Variants in RBFOX3 observed in about 807,000 individuals in gnomAD.
The protein encoded by RBFOX3 is RNA binding protein fox-1 homolog 3.
A neutral mutation model predicts 48.7 loss-of-function variants in RBFOX3; 17 were observed. The observed-to-expected ratio is 0.35, with a 90% CI of 0.24 to 0.52. The LOEUF (loss-of-function observed/expected upper bound fraction) is 0.52, where lower values mean the gene tolerates loss of function less well. RBFOX3 is among the 20% of genes least tolerant of loss of function. The pLI, the probability that RBFOX3 is intolerant of heterozygous loss-of-function variation, is 0.94. For missense variants in RBFOX3, 382 were observed against 497.5 expected, an observed-to-expected ratio of 0.77 and a Z score of 2.21; for synonymous variants, 212 against 209.5, an observed-to-expected ratio of 1.01 and a Z score of -0.10.
chr17:79,511,150 C>G (rs532427540), intron 1 of RBFOX3, among the ~76,000 whole-genome samples: 1 of 152,150 alleles, frequency 6.6e-6, no homozygotes, highest in Non-Finnish European at 1.5e-5. Flanking sequence ...AGAGGGCTCA[C>G]GGGAGCCTCC....
chr17:79,216,322 A>T (rs958319845), intron 4 of RBFOX3, among the ~76,000 whole-genome samples: 1 of 152,150 alleles, frequency 6.6e-6, no homozygotes, highest in African/African-American at 2.4e-5. Flanking sequence ...GGTCCATGTG[A>T]GGAAGTGTAC....
chr17:79,542,375 C>G lies in RBFOX3; in HGVS notation c.-319-59777G>C, dbSNP rs149576852. ...CTATGCAGTGTGAGCGCTAGTGGGG[C>G]GGCTCCCTAGTCCCTAGATGAGGAA... On this transcript the variant is annotated intron_variant, in intron 1 of 14. Coordinates refer to ENST00000693108, the MANE Select transcript of RBFOX3 (RefSeq NM_001350451.2). 5.6e-3 allele frequency among the ~76,000 whole-genome samples: 845 copies of G among 152,248 alleles called. 23 individuals are homozygous for G. The highest frequency in any genetic ancestry group is 3.4e-3 in the Middle Eastern group (1 of 294).
chr17:79,378,492 G>C (rs927403356), intron 2 of RBFOX3, among the ~76,000 whole-genome samples: 2 of 152,164 alleles, frequency 1.3e-5, no homozygotes, highest in Non-Finnish European at 2.9e-5. Flanking sequence ...CCCAGGTGTC[G>C]GACTCGCTAG....
At chr17:79,380,575 T>C (rs559636184) in intron 2 of RBFOX3, among the ~76,000 whole-genome samples, 83 of 152,314 alleles carry the variant, frequency 5.4e-4, no homozygotes, top group South Asian at 2.9e-3. Flanking sequence ...CAGGGACCGT[T>C]TACTGCAGCA....
intron 4 of RBFOX3, among the ~76,000 whole-genome samples, chr17:79,158,339 A>G (rs1331652318): frequency 6.6e-6 from 1 of 152,184 alleles, no homozygotes; most frequent in Non-Finnish European, 1.5e-5. Context: ...CAGGCTTCCT[A>G]TGCCCTCTGT....
At position 79,254,761 on chromosome 17, in the gene RBFOX3, T is replaced by G. The variant is rs1012134699; in HGVS notation, c.-73-18956A>C. 3.3e-5 allele frequency among the ~76,000 whole-genome samples: 5 copies of G among 152,142 alleles called. No individual in the cohort carries two copies. The highest frequency in any genetic ancestry group is 7.3e-5 in the Non-Finnish European group (5 of 68,032). Reference sequence around the variant, plus strand: ...GTGCCTTACCTGGACAGTATCCAGGTGGACAGGTGCCTTATCTTGGCTGGG... The same window carrying G: ...GTGCCTTACCTGGACAGTATCCAGGGGGACAGGTGCCTTATCTTGGCTGGG... On this transcript the variant is annotated intron_variant, in intron 3 of 14. Transcript: ENST00000693108. The surrounding 1 kb of genome is among the most constrained non-coding windows in gnomAD (Gnocchi z 4.8).
chr17:79,490,292 A>G (rs1401171902), intron 1 of RBFOX3, among the ~76,000 whole-genome samples: 1 of 152,208 alleles, frequency 6.6e-6, no homozygotes, highest in Non-Finnish European at 1.5e-5. Context: ...GGAAAGGGAA[A>G]GGCCTTTTGT....
chr17:79,570,353 G>A (rs1277204047), intron 1 of RBFOX3, among the ~76,000 whole-genome samples: 1 of 152,140 alleles, frequency 6.6e-6, no homozygotes, highest in East Asian at 1.9e-4. Flanking sequence ...GATGGTGGAT[G>A]GATGAATGGT....
chr17:79,514,489 C>T (rs2084965781), intron 1 of RBFOX3, among the ~76,000 whole-genome samples: 1 of 152,248 alleles, frequency 6.6e-6, no homozygotes, highest in African/African-American at 2.4e-5. Context: ...ACCCAGGTGG[C>T]CTGAGTCACG....
chr17:79,449,941 G>A (rs1439299973), intron 2 of RBFOX3, among the ~76,000 whole-genome samples: 9 of 152,150 alleles, frequency 5.9e-5, no homozygotes, highest in Non-Finnish European at 1.2e-4. Context: ...CACTCATTAG[G>A]CTAATCACAG....
chr17:79,246,879 C>A (rs577199754), intron 3 of RBFOX3, among the ~76,000 whole-genome samples: 1 of 152,074 alleles, frequency 6.6e-6, no homozygotes, highest in Non-Finnish European at 1.5e-5. Context: ...GGGGGGAGAA[C>A]GGCGGAGACA....
intron 4 of RBFOX3, among the ~76,000 whole-genome samples, chr17:79,227,026 C>G (rs150779449): frequency 6.6e-6 from 1 of 152,210 alleles, no homozygotes; most frequent in Non-Finnish European, 1.5e-5. Flanking sequence ...CAGAAGGCTG[C>G]GGTGCCTCCA....
chr17:79,211,100 G>T (rs1186197552), intron 4 of RBFOX3, among the ~76,000 whole-genome samples: 1 of 152,068 alleles, frequency 6.6e-6, no homozygotes, highest in African/African-American at 2.4e-5. Flanking sequence ...CACCATGAGG[G>T]TGCCGAGTTT....
chr17:79,476,645 C>G (rs2077805462), intron 2 of RBFOX3, among the ~76,000 whole-genome samples: 1 of 152,188 alleles, frequency 6.6e-6, no homozygotes, highest in Admixed American at 6.5e-5. Flanking sequence ...GTCTTCTCAT[C>G]TCCTCTCCGA....
In RBFOX3 at chr17:79,482,671, T is replaced by A. The variant is rs2078930273; in HGVS notation, c.-319-73A>T. 1 of 152,092 alleles carries A rather than the reference T, an allele frequency of 6.6e-6. No individual in the cohort carries two copies. The highest frequency in any genetic ancestry group is 1.5e-5 in the Non-Finnish European group (1 of 68,008). 9.4% of individuals were successfully genotyped at this position (152,092 alleles called of 1,614,324 possible). A position where few individuals can be genotyped will look rare whatever the true frequency, so the allele number is the denominator to read the frequency against. ...TCTTCCTTTTGATCTAAAACAAACA[T>A]TTGGTATTAATAAACCAGGGAGGGG... On this transcript the variant is annotated intron_variant, in intron 1 of 14. Transcript: ENST00000693108. This position sits in a 1 kb window ranked among gnomAD's most constrained non-coding sequence, Gnocchi z 4.1.
chr17:79,342,022 C>G (rs943642704), intron 2 of RBFOX3, among the ~76,000 whole-genome samples: 2 of 152,260 alleles, frequency 1.3e-5, no homozygotes. Context: ...CGGCCCCCTC[C>G]CAGCCTCCCT....
At chr17:79,395,979 C>T (rs1230593176) in intron 2 of RBFOX3, among the ~76,000 whole-genome samples, 1 of 152,238 alleles carries the variant, frequency 6.6e-6, no homozygotes, top group Non-Finnish European at 1.5e-5. Context: ...GGAGCCCCGC[C>T]TGCCACTGGT....
At chr17:79,098,076 A>G (rs940619807) in intron 9 of RBFOX3, 22 of 326,252 alleles carry the variant, frequency 6.7e-5, no homozygotes, top group Non-Finnish European at 1.3e-4. Context: ...CTGGAGAGGG[A>G]AAGTGGAACT....
chr17:79,118,351 T>C (rs1014037972), intron 4 of RBFOX3, among the ~76,000 whole-genome samples: 20 of 152,056 alleles, frequency 1.3e-4, no homozygotes, highest in Non-Finnish European at 2.9e-5. Flanking sequence ...TCCAGGCTCA[T>C]TGCCCCAAGG....
Sources: allele counts gnomAD v4.1 joint callset (sites outside exome capture counted in the v4.1 genomes callset), GRCh38; gene constraint gnomAD v4.1.1; non-coding constraint Gnocchi (gnomAD v3.1); transcripts MANE v1.5; gene names NCBI Gene and HGNC (gene_info 2026-07-23, HGNC 2026-07-21).